ATP2C2: variants seen among roughly 807,000 people sequenced by gnomAD.
The protein encoded by ATP2C2 is calcium-transporting ATPase type 2C member 2.
ATP2C2 carries 171 observed loss-of-function variants against 110.8 expected under a neutral mutation model. The observed-to-expected ratio is 1.54, with a 90% confidence interval of 1.36 to 1.75. The LOEUF is 1.75. Among genes scored for constraint, ATP2C2 ranks in the 40% most tolerant of loss-of-function variants. The pLI is 0.00. For synonymous variants in ATP2C2, 804 were observed against 508.4 expected, an observed-to-expected ratio of 1.58 and a Z score of -7.82; for missense variants, 1,963 against 1,235.0, an observed-to-expected ratio of 1.59 and a Z score of -8.84.
At position 84,459,157 on chromosome 16, in the gene ATP2C2, A is replaced by G. The variant is rs2150594436; in HGVS notation, c.2185A>G (p.Ile729Val). Residue 729 changes from isoleucine to valine, a missense_variant, in exon 22 of 27, where the codon ATC (isoleucine) becomes GTC (valine). By Grantham distance (29) the Ile-to-Val change is conservative. Transcript: ENST00000262429. ...VEEGKGIFYNIKNFVRFQLST... is the reference protein window; with the variant it reads ...VEEGKGIFYNVKNFVRFQLST... ...GGAAGGCAAGGGTATTTTTTACAAC[A>G]TCAAAAACTTTGTCCGATTCCAGCT... 1 of 1,614,116 alleles carries G rather than the reference A, an allele frequency of 6.2e-7. No individual in the cohort carries two copies. The highest frequency in any genetic ancestry group is 8.5e-7 in the Non-Finnish European group (1 of 1,180,018).
chr16:84,375,340 G>T (rs994716096), intron 1 of ATP2C2, among the ~76,000 whole-genome samples: 1 of 152,102 alleles, frequency 6.6e-6, no homozygotes, highest in African/African-American at 2.4e-5. Flanking sequence ...TCAGGAGTTC[G>T]AGACCAGCCT....
At chr16:84,429,224 T>G (rs1908051441) in intron 11 of ATP2C2, among the ~76,000 whole-genome samples, 1 of 152,218 alleles carries the variant, frequency 6.6e-6, no homozygotes, top group Non-Finnish European at 1.5e-5. Flanking sequence ...CGATCTTGGC[T>G]CACTGCAATC....
intron 1 of ATP2C2, among the ~76,000 whole-genome samples, chr16:84,385,824 A>C (rs1395268676): frequency 6.6e-6 from 1 of 152,192 alleles, no homozygotes; most frequent in African/African-American, 2.4e-5. Flanking sequence ...CCCGCCATCT[A>C]ATCACCTCCC....
intron 2 of ATP2C2, among the ~76,000 whole-genome samples, chr16:84,403,426 C>T (rs1483608971): frequency 1.3e-5 from 2 of 152,158 alleles, no homozygotes; most frequent in Admixed American, 6.5e-5. Context: ...CTGCCTCAGC[C>T]TCCTGAGTAG....
chr16:84,440,833 C>G (rs779898266), intron 13 of ATP2C2, 24 bp from the exon 14 acceptor site: 24 of 1,586,568 alleles, frequency 1.5e-5, no homozygotes, highest in Non-Finnish European at 2.0e-5. Context: ...TTGGCGAAAC[C>G]CTTTCTTCTG....
chr16:84,383,760 TTGGGG>T (rs1910726553), intron 1 of ATP2C2, among the ~76,000 whole-genome samples: 11 of 146,212 alleles, frequency 7.5e-5, no homozygotes, highest in East Asian at 2.0e-4. Context: ...TATGTGTGTG[TTGGGG>T]GTGGGGGTGT....
intron 26 of ATP2C2, among the ~76,000 whole-genome samples, chr16:84,463,248 C>G (rs1325712182): frequency 6.6e-6 from 1 of 151,276 alleles, no homozygotes; most frequent in South Asian, 2.1e-4. Context: ...TCGGGGTGCA[C>G]TGGACAGGGA....
rs1386665966 is a variant in ATP2C2, at chr16:84,464,075, T to TG, written c.*344dup. On this transcript the variant is annotated 3_prime_UTR_variant, in exon 27 of 27. Transcript: ENST00000262429. ...ACTCGTGGCAGATACAAGGGGCTCC[T>TG]GAGAGGCAGTGGGTAGGATGGTCAC... is the stretch of plus-strand genomic sequence containing the variant. 11 of 199,070 alleles carry TG rather than the reference T, an allele frequency of 5.5e-5. No individual in the cohort carries two copies. The Admixed American group carries it at 6.2e-4, about 11-fold the overall frequency. 12.3% of individuals were successfully genotyped at this position (199,070 alleles called of 1,614,324 possible).
chr16:84,454,881 C>T lies in ATP2C2; in HGVS notation c.2044C>T (p.Leu682=). ...GGATGGGGTGAACGACGCAGTGGCC[C>T]TGAAGTCTGCAGACATTGGGATCGC... ...TGDGVNDAVA[L]KSADIGIAMG... Residue 682 remains leucine (L), a synonymous_variant, in exon 21 of 27, where the codon CTG becomes TTG. Coordinates refer to ENST00000262429, the MANE Select transcript of ATP2C2 (RefSeq NM_014861.4). The T allele has an allele frequency of 1.2e-6, 2 of 1,613,992 alleles. No homozygotes were observed. The highest frequency in any genetic ancestry group is 1.7e-6 in the Non-Finnish European group (2 of 1,179,946).
chr16:84,414,065 G>A (rs1015165974), intron 6 of ATP2C2, among the ~76,000 whole-genome samples: 23 of 152,184 alleles, frequency 1.5e-4, no homozygotes, highest in African/African-American at 5.3e-4. Context: ...GTGACTGGTA[G>A]AAGGGTGAGG....
chr16:84,377,236 G>A (rs1189789853), intron 1 of ATP2C2, among the ~76,000 whole-genome samples: 1 of 152,200 alleles, frequency 6.6e-6, no homozygotes, highest in African/African-American at 2.4e-5. Context: ...TGGAAGTCAT[G>A]TGCTAAGTCT....
Position 84,454,919 on chromosome 16 carries a change from AG to A in ATP2C2, c.2085del (p.Thr696ArgfsTer10), listed in dbSNP as rs1324711491. On this transcript the variant is annotated frameshift_variant, in exon 21 of 27. Coordinates refer to ENST00000262429, the MANE Select transcript of ATP2C2 (RefSeq NM_014861.4). LOFTEE classifies it high-confidence loss of function. ...ACATTGGGATCGCCATGGGGCAGAC[AG>A]GGACGGACGTCAGCAAAGAGGCCGC... is the stretch of plus-strand genomic sequence containing the variant. ...ADIGIAMGQT[G>X]TDVSKEAANM... The A allele has an allele frequency of 6.2e-7, 1 of 1,614,068 alleles. No individual in the cohort carries two copies. The highest frequency in any genetic ancestry group is 2.2e-5 in the East Asian group (1 of 44,872).
intron 1 of ATP2C2, among the ~76,000 whole-genome samples, chr16:84,397,842 A>T (rs1370123252): frequency 6.6e-6 from 1 of 151,722 alleles, no homozygotes; most frequent in Non-Finnish European, 1.5e-5. Flanking sequence ...TATAAATCTC[A>T]CTAACAATGT....
At chr16:84,397,699 A>G (rs1277027071) in intron 1 of ATP2C2, among the ~76,000 whole-genome samples, 3 of 148,580 alleles carry the variant, frequency 2.0e-5, no homozygotes, top group African/African-American at 7.4e-5. Context: ...ATGCATCAGT[A>G]TTAGCCAACA....
chr16:84,426,151 G>C, intron 11 of ATP2C2: 1 of 219,114 alleles, frequency 4.6e-6, no homozygotes, highest in Non-Finnish European at 9.3e-6. Flanking sequence ...TGTCTGCTCA[G>C]CTTCTGGGGA....
chr16:84,393,615 T>G (rs894345075), intron 1 of ATP2C2, among the ~76,000 whole-genome samples: 1 of 152,092 alleles, frequency 6.6e-6, no homozygotes, highest in Non-Finnish European at 1.5e-5. Context: ...CAGGTGTATT[T>G]CCAATGCAAG....
chr16:84,412,968 G>A (rs1477168125), intron 6 of ATP2C2, among the ~76,000 whole-genome samples: 1 of 151,972 alleles, frequency 6.6e-6, no homozygotes, highest in Non-Finnish European at 1.5e-5. Flanking sequence ...GCATGGTGGT[G>A]GGTGTCTGTA....
chr16:84,387,108 C>G (rs575386560), intron 1 of ATP2C2, among the ~76,000 whole-genome samples: 1 of 150,250 alleles, frequency 6.7e-6, no homozygotes, highest in African/African-American at 2.5e-5. Flanking sequence ...ACAAGCATGC[C>G]GCGCTCTGAG....
chr16:84,439,712 C>G lies in ATP2C2; in HGVS notation c.1209+188C>G, dbSNP rs575389683. 1.5e-3 allele frequency among the ~76,000 whole-genome samples: 232 copies of G among 152,212 alleles called. 1 individual carries two copies. Among genetic ancestry groups the G allele is most frequent in the African/African-American group, 5.4e-3 (226 of 41,508 alleles). Reference sequence around the variant, plus strand: ...CCATACTTCCTTTTAATAGATATGACCAATTTAAGGTAGCCTCCTTTTTTA... The same window carrying G: ...CCATACTTCCTTTTAATAGATATGAGCAATTTAAGGTAGCCTCCTTTTTTA... On this transcript the variant is annotated intron_variant, in intron 13 of 26. Coordinates refer to ENST00000262429, the MANE Select transcript of ATP2C2 (RefSeq NM_014861.4).
Sources: gnomAD v4.1 joint callset for allele counts (sites outside exome capture counted in the v4.1 genomes callset) on GRCh38, gnomAD v4.1.1 for gene constraint, MANE v1.5 for transcripts, NCBI Gene and HGNC (gene_info 2026-07-23, HGNC 2026-07-21) for gene names.